FUT8: variants seen among roughly 807,000 people sequenced by gnomAD.
The protein encoded by FUT8 is alpha-(1,6)-fucosyltransferase.
Under a neutral mutation model 71.3 loss-of-function variants are expected in FUT8, and 29 were observed. The observed-to-expected ratio is 0.41, with a 90% CI of 0.30 to 0.55. The LOEUF (loss-of-function observed/expected upper bound fraction) is 0.55. FUT8 is among the 20% of genes least tolerant of loss of function. The probability of loss-of-function intolerance (pLI) is 0.34; values close to 1 mark genes in which losing one functional copy is unlikely to be tolerated. For missense variants in FUT8, 544 were observed against 702.1 expected, an observed-to-expected ratio of 0.77 and a Z score of 2.55; for synonymous variants, 254 against 239.3, an observed-to-expected ratio of 1.06 and a Z score of -0.57.
intron 3 of FUT8, among the ~76,000 whole-genome samples, chr14:65,590,437 A>C (rs958402357): frequency 6.6e-6 from 1 of 152,218 alleles, no homozygotes; most frequent in African/African-American, 2.4e-5. Context: ...ATGTCTTTGC[A>C]TCATGGAGTC....
chr14:65,629,376 C>T, intron 5 of FUT8, 116 bp from the exon 6 acceptor site: 2 of 613,666 alleles, frequency 3.3e-6, no homozygotes, highest in Non-Finnish European at 5.8e-6. Context: ...AGATGAGTAC[C>T]AGTGTCAATG....
chr14:65,738,077 G>A (rs1379799997), intron 10 of FUT8, among the ~76,000 whole-genome samples: 1 of 152,094 alleles, frequency 6.6e-6, no homozygotes, highest in African/African-American at 2.4e-5. Flanking sequence ...CAGAGCAGAA[G>A]ACAAGAAAAG....
chr14:65,594,394 T>G (rs1030454338), intron 3 of FUT8, among the ~76,000 whole-genome samples: 1 of 152,216 alleles, frequency 6.6e-6, no homozygotes, highest in Non-Finnish European at 1.5e-5. Flanking sequence ...TGTGGCAGCA[T>G]CCAGGTAGGG....
intron 7 of FUT8, among the ~76,000 whole-genome samples, chr14:65,683,529 A>C (rs1407311288): frequency 6.6e-6 from 1 of 152,182 alleles, no homozygotes; most frequent in African/African-American, 2.4e-5. Context: ...CCAAAAATAT[A>C]ATAACACTGC....
chr14:65,404,206 C>G, the FUT8 span, among the ~76,000 whole-genome samples: 1 of 145,458 alleles, frequency 6.9e-6, no homozygotes, highest in Admixed American at 6.9e-5. Flanking sequence ...GAGTCTCACT[C>G]TGTTGTCCAG....
At chr14:65,577,064 G>A (rs765515205) in intron 3 of FUT8, among the ~76,000 whole-genome samples, 1 of 151,506 alleles carries the variant, frequency 6.6e-6, no homozygotes, top group Non-Finnish European at 1.5e-5. Flanking sequence ...TGCCCAGGGT[G>A]GTCTCGAACT....
intron 1 of FUT8, among the ~76,000 whole-genome samples, chr14:65,419,803 T>C (rs997434684): frequency 1.3e-5 from 2 of 152,186 alleles, no homozygotes; most frequent in South Asian, 2.1e-4. Flanking sequence ...TCCTGTCTTA[T>C]GCTTGGTAAA....
intron 3 of FUT8, among the ~76,000 whole-genome samples, chr14:65,565,135 AAGACAGAAACCGAGGAAGCC>A (rs1886122740): frequency 6.6e-6 from 1 of 152,008 alleles, no homozygotes; most frequent in Non-Finnish European, 1.5e-5. Context: ...GAGAGGAAGC[AAGACAGAAACCGAGGAAGCC>A]AGACTTTTTT....
intron 3 of FUT8, among the ~76,000 whole-genome samples, chr14:65,563,394 A>T (rs1424595495): frequency 6.6e-6 from 1 of 152,034 alleles, no homozygotes; most frequent in Admixed American, 6.6e-5. Context: ...AATTATAGAG[A>T]TGTTAAGTAA....
intron 2 of FUT8, among the ~76,000 whole-genome samples, chr14:65,525,115 T>C (rs570421132): frequency 6.6e-6 from 1 of 152,304 alleles, no homozygotes; most frequent in South Asian, 2.1e-4. Context: ...TTTCTATTGA[T>C]GGGAATAGTT....
chr14:65,486,317 T>C (rs962812069), intron 2 of FUT8, among the ~76,000 whole-genome samples: 8 of 152,224 alleles, frequency 5.3e-5, no homozygotes, highest in African/African-American at 1.9e-4. Context: ...TGGAGTCTGA[T>C]TGAACTGATG....
chr14:65,651,490 C>A (rs1014863180), intron 6 of FUT8, among the ~76,000 whole-genome samples: 15 of 152,166 alleles, frequency 9.9e-5, no homozygotes, highest in Non-Finnish European at 2.1e-4. Flanking sequence ...AACAGAGTCT[C>A]CTAACATAAT....
intron 7 of FUT8, among the ~76,000 whole-genome samples, chr14:65,717,249 C>T (rs1205394361): frequency 5.7e-5 from 5 of 88,064 alleles, no homozygotes; most frequent in East Asian, 3.9e-4. Context: ...CGCTCCTCAC[C>T]TCCCAGACGG....
chr14:65,553,598 C>T (rs941953751), intron 2 of FUT8, among the ~76,000 whole-genome samples: 1 of 151,598 alleles, frequency 6.6e-6, no homozygotes, highest in Non-Finnish European at 1.5e-5. Context: ...TTTGCCGGCA[C>T]AGAATATTTT....
In FUT8 at chr14:65,459,107, A is replaced by G. The variant is rs572849451; in HGVS notation, c.-228+3389A>G. 3.5e-3 allele frequency among the ~76,000 whole-genome samples: 529 copies of G among 152,292 alleles called. 2 individuals carry two copies. Among genetic ancestry groups the G allele is most frequent in the African/African-American group, 0.012 (502 of 41,556 alleles). On this transcript the variant is annotated intron_variant, in intron 2 of 10. Coordinates refer to ENST00000673929, the MANE Select transcript of FUT8 (RefSeq NM_001371533.1). ...CCCGGTCAGAGAACATTTCTTAAAT[A>G]GACAAAACATTTTAGGCAGAGTCAG...
chr14:65,429,936 T>C (rs1484570919), intron 1 of FUT8, among the ~76,000 whole-genome samples: 1 of 151,694 alleles, frequency 6.6e-6, no homozygotes, highest in Non-Finnish European at 1.5e-5. Context: ...TCCCAAAGCT[T>C]TTTATGAAAT....
chr14:65,686,908 C>G (rs1893315664), intron 7 of FUT8, among the ~76,000 whole-genome samples: 1 of 152,182 alleles, frequency 6.6e-6, no homozygotes, highest in African/African-American at 2.4e-5. Context: ...AGTTTCTTCC[C>G]AGGTTGAGAA....
chr14:65,647,865 G>A (rs1891186949), intron 6 of FUT8, among the ~76,000 whole-genome samples: 1 of 151,542 alleles, frequency 6.6e-6, no homozygotes, highest in Non-Finnish European at 1.5e-5. Context: ...AAATGTATGT[G>A]TCTCATTAAA....
chr14:65,403,902 T>A, the FUT8 span, among the ~76,000 whole-genome samples: 1 of 152,158 alleles, frequency 6.6e-6, no homozygotes, highest in Non-Finnish European at 1.5e-5. Context: ...TTCTTTTTCT[T>A]TTCTTTTTTT....
Sources: allele counts gnomAD v4.1 joint callset (sites outside exome capture counted in the v4.1 genomes callset), GRCh38; gene constraint gnomAD v4.1.1; transcripts MANE v1.5; gene names NCBI Gene and HGNC (gene_info 2026-07-23, HGNC 2026-07-21).